CDK14: variants seen among roughly 807,000 people sequenced by gnomAD.
CDK14 encodes the protein cyclin-dependent kinase 14.
Under a neutral mutation model 60.7 loss-of-function variants are expected in CDK14, and 34 were observed. The ratio of observed to expected loss-of-function variants is 0.56; its 90% CI spans 0.43 to 0.75. The LOEUF is 0.75. Among genes scored for constraint, CDK14 ranks in the 30% least tolerant of loss-of-function variants. The probability of loss-of-function intolerance (pLI) is 0.00; values close to 1 mark genes in which losing one functional copy is unlikely to be tolerated. For synonymous variants in CDK14, 197 were observed against 203.7 expected (o/e 0.97, Z 0.28); for missense variants, 482 against 564.1 (o/e 0.85, Z 1.47).
Position 90,797,042 on chromosome 7 carries a change from C to T in CDK14, c.544+6390C>T, listed in dbSNP as rs553271725. Among the ~76,000 whole-genome samples, 60 of 151,742 alleles carry T rather than the reference C, an allele frequency of 4.0e-4. No individual in the cohort carries two copies. The East Asian group carries it at 8.1e-3, about 20-fold the overall frequency. The stretch of plus-strand genomic sequence containing the variant: ...TTTGTATTCTGCAACTTTACTGAAT[C>T]GACATACACAGATCAGTAGGTTTTG... On this transcript the variant is annotated intron_variant, in intron 5 of 14. Coordinates refer to ENST00000380050, the MANE Select transcript of CDK14 (RefSeq NM_001287135.2).
intron 14 of CDK14, among the ~76,000 whole-genome samples, chr7:91,127,423 T>C (rs1799985760): frequency 6.6e-6 from 1 of 151,974 alleles, no homozygotes; most frequent in South Asian, 2.1e-4. Context: ...AGAGGGATTT[T>C]CCCCCCTCTG....
At chr7:90,864,916 G>A (rs181151606) in intron 6 of CDK14, among the ~76,000 whole-genome samples, 3 of 152,194 alleles carry the variant, frequency 2.0e-5, no homozygotes. Context: ...AGTATCTAGA[G>A]TAACATTTTG....
rs3802043 is a variant in CDK14, at chr7:90,906,591, T to C, written c.702+7238T>C. Among the ~76,000 whole-genome samples, 80 of 152,222 alleles carry C rather than the reference T, an allele frequency of 5.3e-4. No homozygotes were observed. The East Asian group carries it at 0.01, about 19-fold the overall frequency. On this transcript the variant is annotated intron_variant, in intron 7 of 14. Transcript: ENST00000380050. ...TATATATAAACATTTTAAACATTTA[T>C]CTAGGATTCTAAAACTGTACATATT...
intron 2 of CDK14, among the ~76,000 whole-genome samples, chr7:90,714,674 T>C (rs1802182756): frequency 6.6e-6 from 1 of 152,074 alleles, no homozygotes; most frequent in Non-Finnish European, 1.5e-5. Flanking sequence ...TGTTAAGAGC[T>C]TCAAAAGTCA....
chr7:90,986,867 G>A (rs1009078381), intron 10 of CDK14, among the ~76,000 whole-genome samples: 2 of 151,862 alleles, frequency 1.3e-5, no homozygotes, highest in African/African-American at 4.8e-5. Context: ...CAACAATAAT[G>A]TAACTTGTCA....
intron 6 of CDK14, among the ~76,000 whole-genome samples, chr7:90,895,316 C>CTTTCCTCTTT: frequency 3.1e-5 from 2 of 63,958 alleles, no homozygotes; most frequent in African/African-American, 9.5e-5. Context: ...CTTTCCTCTT[C>CTTTCCTCTTT]TTTCCTCTCC....
At chr7:90,873,614 T>G (rs998442453) in intron 6 of CDK14, among the ~76,000 whole-genome samples, 2 of 152,228 alleles carry the variant, frequency 1.3e-5, no homozygotes, top group Non-Finnish European at 2.9e-5. Flanking sequence ...TGATTTTTGC[T>G]TTTATGCAAG....
intron 2 of CDK14, among the ~76,000 whole-genome samples, chr7:90,697,877 G>C (rs1801694683): frequency 6.6e-6 from 1 of 151,732 alleles, no homozygotes; most frequent in South Asian, 2.1e-4. Flanking sequence ...GACCATCCTG[G>C]CTAACACGGT....
intron 10 of CDK14, among the ~76,000 whole-genome samples, chr7:91,007,708 A>G (rs960919254): frequency 2.6e-5 from 4 of 152,160 alleles, no homozygotes; most frequent in Non-Finnish European, 5.9e-5. Context: ...CCTTCCAGCT[A>G]GCAGCTGTCA....
At chr7:91,027,759 CCTCTCCTCT>C (rs1796614045) in intron 10 of CDK14, among the ~76,000 whole-genome samples, 1 of 74,348 alleles carries the variant, frequency 1.3e-5, no homozygotes, top group Non-Finnish European at 2.8e-5. Context: ...GAAATCTGGG[CCTCTCCTCT>C]CCCCTCCCCT....
chr7:90,711,942 T>G (rs983144707), intron 2 of CDK14, among the ~76,000 whole-genome samples: 1 of 151,238 alleles, frequency 6.6e-6, no homozygotes, highest in African/African-American at 2.4e-5. Context: ...CAGGTTTGTC[T>G]TGAGCTCCTG....
At chr7:91,066,350 CT>C (rs1321438219) in intron 11 of CDK14, among the ~76,000 whole-genome samples, 1 of 152,168 alleles carries the variant, frequency 6.6e-6, no homozygotes, top group African/African-American at 2.4e-5. Flanking sequence ...CCCTCTTTGT[CT>C]GCTCACTCCC....
intron 4 of CDK14, among the ~76,000 whole-genome samples, chr7:90,748,280 G>A (rs1055997128): frequency 6.6e-6 from 1 of 151,808 alleles, no homozygotes; most frequent in East Asian, 1.9e-4. Flanking sequence ...TTTTCATATC[G>A]AGAAACAACT....
At chr7:90,812,710 C>T (rs1197726804) in intron 5 of CDK14, among the ~76,000 whole-genome samples, 1 of 152,144 alleles carries the variant, frequency 6.6e-6, no homozygotes, top group Non-Finnish European at 1.5e-5. Flanking sequence ...TTAAAAACCA[C>T]AGTGAGCTAT....
chr7:90,692,652 T>A (rs1017686613), intron 2 of CDK14: 2 of 977,606 alleles, frequency 2.0e-6, no homozygotes, highest in Non-Finnish European at 2.4e-6. Flanking sequence ...CGGGCCATGA[T>A]GGGGTCTTCC....
At chr7:91,119,986 T>A (rs1799733318) in intron 14 of CDK14, among the ~76,000 whole-genome samples, 1 of 152,224 alleles carries the variant, frequency 6.6e-6, no homozygotes, top group Admixed American at 6.5e-5. Context: ...GTATTGAGAA[T>A]GGTTTTAATT....
intron 2 of CDK14, among the ~76,000 whole-genome samples, chr7:90,723,474 C>A (rs1005579591): frequency 6.6e-6 from 1 of 152,148 alleles, no homozygotes; most frequent in African/African-American, 2.4e-5. Context: ...CATGGCATGG[C>A]AGCCGGCTTT....
chr7:90,782,450 T>A (rs750467714), intron 4 of CDK14, among the ~76,000 whole-genome samples: 1 of 152,180 alleles, frequency 6.6e-6, no homozygotes, highest in South Asian at 2.1e-4. Flanking sequence ...CTTCCAAAAT[T>A]TAAACATACT....
chr7:90,866,544 T>C (rs1454321134), intron 6 of CDK14, among the ~76,000 whole-genome samples: 1 of 152,182 alleles, frequency 6.6e-6, no homozygotes, highest in Admixed American at 6.5e-5. Context: ...TTAGATACTA[T>C]TGTATTTTTC....
Sources: gnomAD v4.1 joint callset for allele counts (sites outside exome capture counted in the v4.1 genomes callset) on GRCh38, gnomAD v4.1.1 for gene constraint, MANE v1.5 for transcripts, NCBI Gene and HGNC (gene_info 2026-07-23, HGNC 2026-07-21) for gene names.